COPG2: variants seen among roughly 807,000 people sequenced by gnomAD.
The protein encoded by COPG2 is coat protein complex I subunit gamma 2.
In COPG2, 37 loss-of-function variants were observed where a neutral mutation model predicts 46.3. That is an observed-to-expected ratio of 0.80 (90% CI 0.61 to 1.05). The LOEUF is 1.05. Among genes scored for constraint, COPG2 ranks in the 50% least tolerant of loss-of-function variants. The pLI, the probability that COPG2 is intolerant of heterozygous loss-of-function variation, is 0.00. For missense variants in COPG2, 427 were observed against 387.8 expected (o/e 1.10, Z -0.85); for synonymous variants, 159 against 129.7 (o/e 1.23, Z -1.53).
chr7:130,510,733 T>G (rs1302266109), intron 20 of COPG2, among the ~76,000 whole-genome samples: 2 of 152,052 alleles, frequency 1.3e-5, no homozygotes, highest in Non-Finnish European at 2.9e-5. Flanking sequence ...TGGGAATTTT[T>G]TTACTTAAAT....
intron 20 of COPG2, among the ~76,000 whole-genome samples, chr7:130,526,609 T>C (rs1473329169): frequency 4.0e-5 from 6 of 151,222 alleles, no homozygotes; most frequent in South Asian, 2.1e-4. Flanking sequence ...AGGACAGCCA[T>C]AGGTGGAGTG....
At chr7:130,514,009 T>C (rs924300988) in intron 20 of COPG2, among the ~76,000 whole-genome samples, 9 of 151,996 alleles carry the variant, frequency 5.9e-5, no homozygotes, top group Non-Finnish European at 1.0e-4. Flanking sequence ...GTAGGTGGAG[T>C]GGCATGGACA....
intron 14 of COPG2, among the ~76,000 whole-genome samples, chr7:130,554,272 C>T (rs1364712762): frequency 6.6e-6 from 1 of 152,146 alleles, no homozygotes; most frequent in Non-Finnish European, 1.5e-5. Flanking sequence ...CATAGTATTC[C>T]TATCTTACTG....
intron 20 of COPG2, among the ~76,000 whole-genome samples, chr7:130,532,466 G>C (rs970244580): frequency 6.6e-6 from 1 of 152,132 alleles, no homozygotes; most frequent in Non-Finnish European, 1.5e-5. Flanking sequence ...GGCAGGAGGA[G>C]GGTGGGACTG....
chr7:130,522,657 A>G (rs1370173548), intron 20 of COPG2, among the ~76,000 whole-genome samples: 1 of 152,124 alleles, frequency 6.6e-6, no homozygotes, highest in Non-Finnish European at 1.5e-5. Context: ...GGAAATGTGC[A>G]GAAGAAAAGG....
At chr7:130,630,707 T>C (rs1554455040) in intron 5 of COPG2, among the ~76,000 whole-genome samples, 2 of 152,230 alleles carry the variant, frequency 1.3e-5, no homozygotes, top group Admixed American at 6.5e-5. Context: ...GCTGACCCCT[T>C]TATCCCTAGT....
At chr7:130,529,006 T>C (rs1799800207) in intron 20 of COPG2, among the ~76,000 whole-genome samples, 1 of 151,978 alleles carries the variant, frequency 6.6e-6, no homozygotes, top group Non-Finnish European at 1.5e-5. Flanking sequence ...GCTGGCACCT[T>C]GGAAAAGCTG....
At chr7:130,606,517 T>C (rs947558760) in intron 9 of COPG2, among the ~76,000 whole-genome samples, 1 of 152,214 alleles carries the variant, frequency 6.6e-6, no homozygotes, top group Non-Finnish European at 1.5e-5. Flanking sequence ...CTTGTTATTA[T>C]GTATTGGCAG....
intron 20 of COPG2, among the ~76,000 whole-genome samples, chr7:130,540,515 C>T (rs1004197544): frequency 4.6e-5 from 7 of 151,908 alleles, no homozygotes; most frequent in Non-Finnish European, 7.4e-5. Context: ...GAGGACAAGA[C>T]GTATCGGGTG....
At chr7:130,567,953 A>G (rs1467341506) in intron 9 of COPG2, among the ~76,000 whole-genome samples, 1 of 152,224 alleles carries the variant, frequency 6.6e-6, no homozygotes, top group Admixed American at 6.5e-5. Flanking sequence ...GATGAATAGA[A>G]TAGTACCTCA....
chr7:130,575,929 A>G (rs530365185), intron 9 of COPG2, among the ~76,000 whole-genome samples: 1 of 152,352 alleles, frequency 6.6e-6, no homozygotes, highest in East Asian at 1.9e-4. Context: ...TTCTTATATC[A>G]GACAAAACAA....
At position 130,520,126 on chromosome 7, in the gene COPG2, G is replaced by C. The variant is rs1799712583; in HGVS notation, c.2150-11467C>G. On this transcript the variant is annotated intron_variant, in intron 20 of 23. Transcript: ENST00000425248. ...GGAATCATGATAAGGTTAACATCCA[G>C]AGAATAATTCAGCATTCACTTATTA... Among the ~76,000 whole-genome samples the C allele has an allele frequency of 2.6e-5, 4 of 152,314 alleles. No homozygotes were observed. The South Asian group carries it at 8.3e-4, about 32-fold the overall frequency.
chr7:130,582,067 G>A (rs1251168559), intron 9 of COPG2, among the ~76,000 whole-genome samples: 2 of 151,812 alleles, frequency 1.3e-5, no homozygotes, highest in Non-Finnish European at 2.9e-5. Context: ...GAACAAAGCT[G>A]GAGGCATCAC....
intron 20 of COPG2, among the ~76,000 whole-genome samples, chr7:130,539,393 C>CG (rs1176925080): frequency 3.3e-5 from 5 of 152,198 alleles, no homozygotes; most frequent in East Asian, 1.9e-4. Flanking sequence ...AAAAGGCAGC[C>CG]TAAGGGAAGG....
At chr7:130,659,697 A>G (rs368418069) in intron 4 of COPG2, among the ~76,000 whole-genome samples, 139 of 152,280 alleles carry the variant, frequency 9.1e-4, no homozygotes, top group African/African-American at 3.2e-3. Flanking sequence ...GCAGATAAAG[A>G]GGTCAGGAAA....
intron 4 of COPG2, among the ~76,000 whole-genome samples, chr7:130,655,606 T>C (rs1191160227): frequency 6.6e-6 from 1 of 152,022 alleles, no homozygotes; most frequent in African/African-American, 2.4e-5. Context: ...TCCAGCTCCT[T>C]CTTCTTTGGT....
intron 5 of COPG2, among the ~76,000 whole-genome samples, chr7:130,637,202 TG>T (rs1795356661): frequency 6.6e-6 from 1 of 152,186 alleles, no homozygotes; most frequent in Admixed American, 6.5e-5. Context: ...TTATGTGTTG[TG>T]GGGTTGCTCT....
At position 130,591,349 on chromosome 7, in the gene COPG2, T is replaced by C. The variant is rs1362901434; in HGVS notation, c.737+19604A>G. ...CTGCCCGGCCGCCCCTACTGCGAAG[T>C]GAGGAGCCCCTCTGCCCAGCCAGCC... On this transcript the variant is annotated intron_variant, in intron 9 of 23. Transcript: ENST00000425248. Among the ~76,000 whole-genome samples, 7 of 23,402 alleles carry C rather than the reference T, an allele frequency of 3.0e-4. 2 individuals are homozygous for C. The highest frequency in any genetic ancestry group is 6.9e-4 in the Non-Finnish European group (7 of 10,210). The allele number at this position is 23,402 out of a possible 152,430, so 15.4% of individuals were successfully genotyped here.
chr7:130,588,453 A>G (rs1372953376), intron 9 of COPG2, among the ~76,000 whole-genome samples: 1 of 152,138 alleles, frequency 6.6e-6, no homozygotes, highest in Admixed American at 6.5e-5. Flanking sequence ...ACACCATGGA[A>G]TACTATGCAG....
Sources: allele counts gnomAD v4.1 joint callset (sites outside exome capture counted in the v4.1 genomes callset), GRCh38; gene constraint gnomAD v4.1.1; transcripts MANE v1.5; gene names NCBI Gene and HGNC (gene_info 2026-07-23, HGNC 2026-07-21).